KATNIP: variants seen among roughly 807,000 people sequenced by gnomAD.
KATNIP encodes the protein katanin-interacting protein.
A neutral mutation model predicts 174.0 loss-of-function variants in KATNIP; 126 were observed. That is an observed-to-expected ratio of 0.72 (90% CI 0.63 to 0.84). The LOEUF is 0.84. KATNIP is among the 40% of genes least tolerant of loss of function. The probability of loss-of-function intolerance (pLI) is 0.00; values close to 1 mark genes in which losing one functional copy is unlikely to be tolerated. For missense variants in KATNIP, 1,958 were observed against 2,109.7 expected, an observed-to-expected ratio of 0.93 and a Z score of 1.41; for synonymous variants, 810 against 835.7, an observed-to-expected ratio of 0.97 and a Z score of 0.53.
chr16:27,740,690 C>G lies in KATNIP; in HGVS notation c.2393C>G (p.Pro798Arg), dbSNP rs778800150. The G allele has an allele frequency of 9.9e-6, 16 of 1,614,054 alleles. No individual in the cohort carries two copies. In the East Asian group the frequency reaches 3.3e-4, roughly 34 times the overall value. Residue 798 changes from proline (P) to arginine (R), a missense_variant, in exon 15 of 28, where the codon CCT becomes CGT. Physicochemically the swap from Pro to Arg is moderately radical, Grantham distance 103 (BLOSUM62 -2). This residue lies in a region of KATNIP where 1,557 missense variants were observed against 1,617.8 expected (regional missense o/e 0.96). Coordinates refer to ENST00000261588, the MANE Select transcript of KATNIP (RefSeq NM_015202.5). Reference sequence around the variant, plus strand: ...TCAGACGATGTCATCGGTGAGGGTCCTGGAGAGACCGAGGCCAGGGATAAA... The same window carrying G: ...TCAGACGATGTCATCGGTGAGGGTCGTGGAGAGACCGAGGCCAGGGATAAA... ...LPSDDVIGEGPGETEARDKGL... is the reference protein window; with the variant it reads ...LPSDDVIGEGRGETEARDKGL...
At chr16:27,609,451 C>T (rs1303272150) in intron 2 of KATNIP, among the ~76,000 whole-genome samples, 10 of 128,204 alleles carry the variant, frequency 7.8e-5, no homozygotes, top group Admixed American at 1.0e-4. Context: ...AGTGCAGTGG[C>T]GCGATCTCAG....
chr16:27,570,965 G>GA (rs1359334595), intron 1 of KATNIP, among the ~76,000 whole-genome samples: 2 of 152,038 alleles, frequency 1.3e-5, no homozygotes, highest in African/African-American at 4.8e-5. Context: ...AGAGAAAGGG[G>GA]AAAAAAAAGT....
At chr16:27,770,090 A>T (rs1456124073) in intron 21 of KATNIP, 72 bp downstream of exon 21, 1 of 1,517,670 alleles carries the variant, frequency 6.6e-7, no homozygotes, top group African/African-American at 1.4e-5. Context: ...AGTTGCTCTG[A>T]TGTACATTCC....
chr16:27,558,836 G>A (rs2089735377), intron 1 of KATNIP, among the ~76,000 whole-genome samples: 1 of 152,144 alleles, frequency 6.6e-6, no homozygotes, highest in African/African-American at 2.4e-5. Context: ...CTGTGATTGT[G>A]TCTGTTTTAT....
At chr16:27,569,476 G>T (rs2090208346) in intron 1 of KATNIP, among the ~76,000 whole-genome samples, 1 of 152,200 alleles carries the variant, frequency 6.6e-6, no homozygotes, top group Non-Finnish European at 1.5e-5. Context: ...CTTCATAGCT[G>T]AAGCAGGCAG....
chr16:27,668,606 T>C, intron 6 of KATNIP, among the ~76,000 whole-genome samples: 1 of 152,230 alleles, frequency 6.6e-6, no homozygotes, highest in South Asian at 2.1e-4. Flanking sequence ...CATTCCTCCA[T>C]ACCCTGGGTC....
At chr16:27,770,507 A>G (rs1042658645) in intron 21 of KATNIP, among the ~76,000 whole-genome samples, 1 of 152,250 alleles carries the variant, frequency 6.6e-6, no homozygotes, top group African/African-American at 2.4e-5. Flanking sequence ...CCTGATGTCC[A>G]AACGCCAGAG....
intron 14 of KATNIP, among the ~76,000 whole-genome samples, chr16:27,729,603 A>C (rs1055217238): frequency 3.3e-5 from 5 of 152,094 alleles, no homozygotes; most frequent in Non-Finnish European, 4.4e-5. Context: ...CTTCCTTGAC[A>C]CTTAACCACA....
intron 1 of KATNIP, among the ~76,000 whole-genome samples, chr16:27,568,488 G>A (rs1336910794): frequency 6.6e-6 from 1 of 151,222 alleles, no homozygotes; most frequent in East Asian, 1.9e-4. Context: ...TTTTTTTTGA[G>A]ACCAAGTCTC....
intron 6 of KATNIP, among the ~76,000 whole-genome samples, chr16:27,662,095 C>CATATAT (rs71137801): frequency 2.1e-4 from 8 of 38,300 alleles, no homozygotes; most frequent in African/African-American, 3.2e-4. Context: ...TATACACATA[C>CATATAT]ATATATATAT....
rs1421817936 is a variant in KATNIP, at chr16:27,750,015, A to G, written c.3055A>G (p.Asn1019Asp). 2 of 1,614,148 alleles carry G rather than the reference A, an allele frequency of 1.2e-6. No individual in the cohort carries two copies. Among genetic ancestry groups the G allele is most frequent in the Admixed American group, 3.3e-5 (2 of 60,018 alleles). The part of the protein sequence containing the change: ...SNIKADPPDI[N>D]ILPAYGKDPR... ...CATAAAAGCAGACCCTCCCGATATC[A>G]ATATTTTACCAGCCTATGGGAAAGA... Residue 1019 changes from asparagine (N) to aspartate (D), a missense_variant, in exon 16 of 28, where the codon AAT (asparagine) becomes GAT (aspartate). Physicochemically the swap from Asn to Asp is conservative, Grantham distance 23 (BLOSUM62 1). Coordinates refer to ENST00000261588, the MANE Select transcript of KATNIP (RefSeq NM_015202.5).
intron 6 of KATNIP, chr16:27,660,041 G>A: frequency 1.0e-6 from 1 of 978,878 alleles, no homozygotes; most frequent in Non-Finnish European, 1.2e-6. Context: ...TCTTGTTTTA[G>A]GGAGGAGAAA....
intron 14 of KATNIP, among the ~76,000 whole-genome samples, chr16:27,729,679 A>G (rs892258062): frequency 6.6e-6 from 1 of 151,420 alleles, no homozygotes; most frequent in Admixed American, 6.6e-5. Flanking sequence ...AATGCACACT[A>G]CTCCCACTTG....
chr16:27,734,509 GCCAACATGGTGAAA>G (rs1220934519), intron 14 of KATNIP, among the ~76,000 whole-genome samples: 1 of 151,468 alleles, frequency 6.6e-6, no homozygotes, highest in African/African-American at 2.4e-5. Flanking sequence ...GACCAGTCTG[GCCAACATGGTGAAA>G]CCCCATCTCT....
Position 27,777,840 on chromosome 16 carries a change from C to A in KATNIP, c.4713-41C>A, listed in dbSNP as rs747077937. The A allele has an allele frequency of 1.2e-6, 2 of 1,613,434 alleles. No individual in the cohort carries two copies. Among genetic ancestry groups the A allele is most frequent in the Admixed American group, 3.3e-5 (2 of 60,030 alleles). On this transcript the variant is annotated intron_variant, in intron 26 of 27. Coordinates refer to ENST00000261588, the MANE Select transcript of KATNIP (RefSeq NM_015202.5). This position sits in a 1 kb window ranked among gnomAD's most constrained non-coding sequence, Gnocchi z 4.4. ...AGGATGGATGGCTGGGACACACGGC[C>A]AGGAGCCTGATCGAATCTTGTGTTT... is the stretch of plus-strand genomic sequence containing the variant.
intron 2 of KATNIP, among the ~76,000 whole-genome samples, chr16:27,613,279 GA>G (rs1475133147): frequency 6.6e-6 from 1 of 151,928 alleles, no homozygotes; most frequent in Non-Finnish European, 1.5e-5. Context: ...GTTTCAAAAA[GA>G]AAAAAAGAAT....
chr16:27,599,313 G>A (rs2075439557), intron 2 of KATNIP, among the ~76,000 whole-genome samples: 1 of 152,176 alleles, frequency 6.6e-6, no homozygotes, highest in Non-Finnish European at 1.5e-5. Flanking sequence ...TCAAGGCAAG[G>A]CAATGACCTT....
In KATNIP at chr16:27,749,568, G is replaced by T. The variant is rs2081417099; in HGVS notation, c.2624-16G>T. The T allele has an allele frequency of 2.6e-6, 4 of 1,522,710 alleles. No individual in the cohort carries two copies. Among genetic ancestry groups the T allele is most frequent in the Non-Finnish European group, 2.6e-6 (3 of 1,136,460 alleles). The allele number at this position is 1,522,710 out of a possible 1,614,324, so 94.3% of individuals were successfully genotyped here. The stretch of plus-strand genomic sequence containing the variant: ...CCACTCACAGGGCTTCCCCCCTCTT[G>T]TGTCCTTTCTTCCAGAAGACACCTG... On this transcript the variant is annotated splice_polypyrimidine_tract_variant and intron_variant, in intron 15 of 27. Transcript: ENST00000261588.
intron 6 of KATNIP, among the ~76,000 whole-genome samples, chr16:27,666,896 C>T (rs2077706426): frequency 6.6e-6 from 1 of 152,138 alleles, no homozygotes; most frequent in Non-Finnish European, 1.5e-5. Context: ...GCGCTCATTA[C>T]TCTGGTAATC....
Sources: allele counts gnomAD v4.1 joint callset (sites outside exome capture counted in the v4.1 genomes callset), GRCh38; gene constraint gnomAD v4.1.1; regional missense constraint gnomAD v4.1.1; non-coding constraint Gnocchi (gnomAD v3.1); transcripts MANE v1.5; gene names NCBI Gene and HGNC (gene_info 2026-07-23, HGNC 2026-07-21).